OTUD7B: variants seen among roughly 807,000 people sequenced by gnomAD.
The protein encoded by OTUD7B is OTU deubiquitinase 7B, also known as OTU domain-containing protein 7B.
Under a neutral mutation model 82.2 loss-of-function variants are expected in OTUD7B, and 34 were observed. The observed-to-expected ratio is 0.41, with a 90% confidence interval of 0.31 to 0.55. OTUD7B has a LOEUF of 0.55. Ranked by LOEUF, OTUD7B falls within the 20% of genes least tolerant of loss-of-function variation. OTUD7B has a pLI of 0.20. For synonymous variants in OTUD7B, 398 were observed against 402.7 expected, an observed-to-expected ratio of 0.99 and a Z score of 0.14; for missense variants, 944 against 1,062.1, an observed-to-expected ratio of 0.89 and a Z score of 1.55.
the OTUD7B span, among the ~76,000 whole-genome samples, chr1:150,031,498 A>C: frequency 6.6e-6 from 1 of 152,258 alleles, no homozygotes; most frequent in Non-Finnish European, 1.5e-5. Context: ...CTAGGCAATA[A>C]ATGTGCATTT....
intron 7 of OTUD7B, among the ~76,000 whole-genome samples, chr1:149,953,872 T>C (rs1156918626): frequency 6.6e-6 from 1 of 152,200 alleles, no homozygotes; most frequent in Non-Finnish European, 1.5e-5. Context: ...TGTATAGGAA[T>C]GCTTGTGATT....
chr1:150,020,122 T>C, the OTUD7B span, among the ~76,000 whole-genome samples: 1 of 152,058 alleles, frequency 6.6e-6, no homozygotes, highest in Non-Finnish European at 1.5e-5. Context: ...AGTGAAACCC[T>C]GTCTCAAAAA....
At chr1:150,028,830 C>T in the OTUD7B span, among the ~76,000 whole-genome samples, 1 of 152,286 alleles carries the variant, frequency 6.6e-6, no homozygotes, top group South Asian at 2.1e-4. Flanking sequence ...GCCACCACGC[C>T]TGGTTGCTCT....
rs1647967650 is a variant in OTUD7B at position 149,948,876 on chromosome 1, T to G, written c.1238+93A>C. 3.7e-6 allele frequency: 3 copies of G among 814,232 alleles called. No individual in the cohort carries two copies. In the East Asian group the frequency reaches 7.5e-5, roughly 20 times the overall value. The allele number at this position is 814,232 out of a possible 1,614,324, so 50.4% of individuals were successfully genotyped here. On this transcript the variant is annotated intron_variant, in intron 10 of 11. Coordinates refer to ENST00000581312, the MANE Select transcript of OTUD7B (RefSeq NM_020205.4). ...AAACTCATCTTAGCTTGTGACTGTC[T>G]TGCCTGAGCTGAGGAAAAATCCCTG...
At position 149,944,113 on chromosome 1, in the gene OTUD7B, A is replaced by G; in HGVS notation, c.2276T>C (p.Leu759Pro). The G allele has an allele frequency of 6.2e-7, 1 of 1,614,088 alleles. No homozygotes were observed. Among genetic ancestry groups the G allele is most frequent in the Non-Finnish European group, 8.5e-7 (1 of 1,179,998 alleles). The change falls in exon 12 of 12, where the codon CTT becomes CCT. Residue 759 changes from leucine to proline, a missense_variant. Physicochemically the swap from Leu to Pro is moderately conservative, Grantham distance 98. This residue lies in a region of OTUD7B where 412 missense variants were observed against 418.7 expected (regional missense o/e 0.98). Coordinates refer to ENST00000581312, the MANE Select transcript of OTUD7B (RefSeq NM_020205.4). ...LEPGSHSKDG[L>P]HRGALLPPPY... ...GGGTGGTAACAAGGCACCCCTGTGA[A>G]GTCCATCCTTAGAGTGGCTGCCTGG...
At chr1:150,003,331 G>C (rs1652434415) in intron 1 of OTUD7B, among the ~76,000 whole-genome samples, 1 of 151,710 alleles carries the variant, frequency 6.6e-6, no homozygotes, top group African/African-American at 2.4e-5. Flanking sequence ...CCATCCTCCA[G>C]CCATAATGAT....
chr1:149,974,661 T>C (rs1553778250), intron 2 of OTUD7B, among the ~76,000 whole-genome samples: 1 of 148,530 alleles, frequency 6.7e-6, no homozygotes, highest in African/African-American at 2.5e-5. Context: ...GAGATTCTCC[T>C]GCCTCAGCCT....
intron 2 of OTUD7B, among the ~76,000 whole-genome samples, chr1:149,975,404 T>C (rs1336562571): frequency 6.6e-6 from 1 of 152,250 alleles, no homozygotes; most frequent in African/African-American, 2.4e-5. Flanking sequence ...CAAATCCTAC[T>C]TAAACCTCAC....
At chr1:150,052,620 T>C in the OTUD7B span, among the ~76,000 whole-genome samples, 1 of 152,052 alleles carries the variant, frequency 6.6e-6, no homozygotes, top group African/African-American at 2.4e-5. Flanking sequence ...AAAATGTTAT[T>C]CCTATCAAAC....
At chr1:149,965,614 G>A (rs1453370879) in intron 5 of OTUD7B, among the ~76,000 whole-genome samples, 163 bp downstream of exon 5, 12 of 152,096 alleles carry the variant, frequency 7.9e-5, no homozygotes, top group African/African-American at 2.9e-4. Context: ...ATTTCCTCTT[G>A]TGCCAACATA....
At chr1:150,025,317 A>C in the OTUD7B span, among the ~76,000 whole-genome samples, 1 of 151,884 alleles carries the variant, frequency 6.6e-6, no homozygotes, top group Non-Finnish European at 1.5e-5. Context: ...TGGGAGGCTG[A>C]AGCAGGAGAA....
At chr1:149,988,624 C>T (rs1014634833) in intron 1 of OTUD7B, among the ~76,000 whole-genome samples, 2 of 152,108 alleles carry the variant, frequency 1.3e-5, no homozygotes, top group African/African-American at 4.8e-5. Context: ...GAGAGTCATA[C>T]AGAAAGTCTG....
At chr1:149,976,496 A>G (rs1040736745) in intron 2 of OTUD7B, among the ~76,000 whole-genome samples, 3 of 151,592 alleles carry the variant, frequency 2.0e-5, no homozygotes, top group Admixed American at 6.6e-5. Flanking sequence ...CTGTAATCCC[A>G]GCTACTCCGG....
upstream of OTUD7B, among the ~76,000 whole-genome samples, chr1:150,013,910 G>A (rs1424609794): frequency 9.6e-6 from 1 of 104,354 alleles, no homozygotes; most frequent in African/African-American, 4.0e-5. Flanking sequence ...AACAGAGTGA[G>A]ACTCTGTCTC....
upstream of OTUD7B, among the ~76,000 whole-genome samples, chr1:150,014,109 A>AT (rs1559875242): frequency 0.098 from 9,899 of 100,736 alleles, 973 homozygotes; most frequent in Middle Eastern, 0.14. Flanking sequence ...TATATATAGT[A>AT]GGGGCTCAGC....
intron 2 of OTUD7B, 52 bp from the exon 3 acceptor site, chr1:149,971,303 C>G (rs781879037): frequency 2.1e-5 from 27 of 1,288,404 alleles, no homozygotes; most frequent in Non-Finnish European, 2.4e-5. Flanking sequence ...TATAGAGACA[C>G]AAAGATCACA....
chr1:150,006,349 C>T (rs1443580073), intron 1 of OTUD7B, among the ~76,000 whole-genome samples: 2 of 152,058 alleles, frequency 1.3e-5, no homozygotes, highest in South Asian at 2.1e-4. Flanking sequence ...CCCAGCTACT[C>T]GGGAGGCTGA....
the OTUD7B span, among the ~76,000 whole-genome samples, chr1:150,025,663 C>A: frequency 6.6e-6 from 1 of 152,320 alleles, no homozygotes; most frequent in Admixed American, 6.5e-5. Context: ...GGACCTAAGA[C>A]TACCTTTCTC....
Position 149,997,947 on chromosome 1 carries a change from C to G in OTUD7B, c.-67+12501G>C, listed in dbSNP as rs1418596225. Among the ~76,000 whole-genome samples, 3 of 152,244 alleles carry G rather than the reference C, an allele frequency of 2.0e-5. No homozygotes were observed. The East Asian group carries it at 5.8e-4, about 29-fold the overall frequency. On this transcript the variant is annotated intron_variant, in intron 1 of 11. Transcript: ENST00000581312. The stretch of plus-strand genomic sequence containing the variant: ...ACTTACTAGGCATGCAAACATAAAC[C>G]AGTTACTTAAACCCTGAATTCAGTA...
Sources: gnomAD v4.1 joint callset for allele counts (sites outside exome capture counted in the v4.1 genomes callset) on GRCh38, gnomAD v4.1.1 for gene constraint, gnomAD v4.1.1 regional missense constraint, MANE v1.5 for transcripts, NCBI Gene and HGNC (gene_info 2026-07-23, HGNC 2026-07-21) for gene names.